ALG14: variants seen among roughly 807,000 people sequenced by gnomAD.
The protein encoded by ALG14 is UDP-N-acetylglucosamine transferase subunit ALG14.
A neutral mutation model predicts 22.8 loss-of-function variants in ALG14; 17 were observed. The observed-to-expected ratio is 0.75, with a 90% CI of 0.51 to 1.12. The LOEUF (loss-of-function observed/expected upper bound fraction) is 1.12. Ranked by LOEUF, ALG14 falls within the 50% of genes most tolerant of loss-of-function variation. The pLI is 0.00. For missense variants in ALG14, 288 were observed against 271.8 expected, an observed-to-expected ratio of 1.06 and a Z score of -0.42; for synonymous variants, 89 against 103.7, an observed-to-expected ratio of 0.86 and a Z score of 0.86.
chr1:94,987,275 C>A (rs1434552732), intron 3 of ALG14, among the ~76,000 whole-genome samples: 2 of 152,088 alleles, frequency 1.3e-5, no homozygotes, highest in Non-Finnish European at 2.9e-5. Context: ...CTGCTTAAAT[C>A]ATTTGAATCA....
intron 3 of ALG14, among the ~76,000 whole-genome samples, chr1:95,012,662 C>CG (rs1673399122): frequency 1.3e-5 from 2 of 152,174 alleles, no homozygotes; most frequent in Admixed American, 1.3e-4. Flanking sequence ...CCATGGTCAA[C>CG]GGGACCTGTT....
chr1:94,995,470 C>G (rs960234900), intron 3 of ALG14, among the ~76,000 whole-genome samples: 1 of 152,106 alleles, frequency 6.6e-6, no homozygotes, highest in Non-Finnish European at 1.5e-5. Flanking sequence ...CCCAGCACTT[C>G]GGGAGGCCGA....
intron 2 of ALG14, among the ~76,000 whole-genome samples, chr1:95,050,572 G>A (rs57040913): frequency 0.046 from 7,048 of 152,206 alleles, 220 homozygotes; most frequent in South Asian, 0.088. Context: ...TCTGAACCAG[G>A]AAGAAGGAAA....
At chr1:95,040,211 G>A (rs1458818295) in intron 2 of ALG14, among the ~76,000 whole-genome samples, 3 of 129,336 alleles carry the variant, frequency 2.3e-5, no homozygotes, top group Non-Finnish European at 5.0e-5. Flanking sequence ...AAATAAATAA[G>A]ATTCCTAATC....
intron 3 of ALG14, among the ~76,000 whole-genome samples, chr1:94,993,313 C>T (rs901014901): frequency 5.5e-5 from 8 of 144,812 alleles, no homozygotes; most frequent in African/African-American, 1.8e-4. Context: ...CTCCTTCTAT[C>T]TTTATATAAA....
In ALG14 at chr1:95,059,384, TGA is replaced by T. The variant is rs1321540372; in HGVS notation, c.288+5480_288+5481del. Among the ~76,000 whole-genome samples the T allele has an allele frequency of 2.5e-4, 31 of 125,108 alleles. 1 individual carries two copies. In the East Asian group the frequency reaches 6.3e-3, roughly 25 times the overall value. 82.1% of individuals were successfully genotyped at this position (125,108 alleles called of 152,430 possible). A position where few individuals can be genotyped will look rare whatever the true frequency, so the allele number is the denominator to read the frequency against. ...TTGCACTCTAGCCTGGGTGACAGGG[TGA>T]GACTCTGTCTCAAAAAAAAAAAAAA... On this transcript the variant is annotated intron_variant, in intron 2 of 3. Coordinates refer to ENST00000370205, the MANE Select transcript of ALG14 (RefSeq NM_144988.4).
At chr1:95,058,285 A>T (rs1261244892) in intron 2 of ALG14, among the ~76,000 whole-genome samples, 1 of 81,442 alleles carries the variant, frequency 1.2e-5, no homozygotes, top group Non-Finnish European at 2.4e-5. Flanking sequence ...ACTCCATCTG[A>T]AAAAAAAAAA....
At chr1:95,066,486 G>T (rs1402087657) in intron 1 of ALG14, among the ~76,000 whole-genome samples, 1 of 152,054 alleles carries the variant, frequency 6.6e-6, no homozygotes, top group African/African-American at 2.4e-5. Flanking sequence ...GCCTCCCAAA[G>T]TACTGGGATT....
In ALG14 at chr1:95,004,230, T is replaced by C. The variant is rs554842498; in HGVS notation, c.421-20924A>G. ...GGGTAATTAACTTTTTTTTTTTTTT[T>C]TTTTTTTTTGAGACAGCGTCTCGCT... On this transcript the variant is annotated intron_variant, in intron 3 of 3. Transcript: ENST00000370205. Among the ~76,000 whole-genome samples the C allele has an allele frequency of 6.7e-5, 10 of 148,894 alleles. No homozygotes were observed. The East Asian group carries it at 1.7e-3, about 26-fold the overall frequency.
At chr1:95,021,477 C>T (rs1191867545) in intron 3 of ALG14, among the ~76,000 whole-genome samples, 3 of 152,182 alleles carry the variant, frequency 2.0e-5, no homozygotes, top group Admixed American at 6.5e-5. Context: ...ATTACATATT[C>T]AATTATCGGT....
intron 3 of ALG14, among the ~76,000 whole-genome samples, chr1:95,002,003 T>C (rs527473212): frequency 6.6e-6 from 1 of 152,330 alleles, no homozygotes; most frequent in African/African-American, 2.4e-5. Context: ...TTTCTAAACT[T>C]CCACTTTGGT....
At chr1:95,026,466 G>A (rs1673819505) in intron 3 of ALG14, among the ~76,000 whole-genome samples, 1 of 120,228 alleles carries the variant, frequency 8.3e-6, no homozygotes. Flanking sequence ...CAAGGAATGT[G>A]TGTGTGTGTG....
At chr1:95,064,061 T>C (rs1006707393) in intron 2 of ALG14, among the ~76,000 whole-genome samples, 12 of 152,166 alleles carry the variant, frequency 7.9e-5, no homozygotes, top group Non-Finnish European at 1.5e-4. Flanking sequence ...TGGGAGTTCA[T>C]TCATGATTTG....
chr1:95,019,262 T>A (rs12408845), intron 3 of ALG14, among the ~76,000 whole-genome samples: 24,869 of 152,214 alleles, frequency 0.16, 2,589 homozygotes, highest in East Asian at 0.47. Flanking sequence ...AATCTGGTAT[T>A]CACATTTCTT....
intron 2 of ALG14, among the ~76,000 whole-genome samples, chr1:95,044,602 T>C (rs1041522410): frequency 6.6e-6 from 1 of 152,128 alleles, no homozygotes; most frequent in Non-Finnish European, 1.5e-5. Flanking sequence ...TTCAAGGTCC[T>C]AAGAGCAATC....
chr1:95,029,859 A>T (rs1474226615), intron 2 of ALG14, among the ~76,000 whole-genome samples: 1 of 152,190 alleles, frequency 6.6e-6, no homozygotes. Context: ...TGGGCTCAAT[A>T]TGTATCCACT....
At position 95,000,551 on chromosome 1, in the gene ALG14, A is replaced by G. The variant is rs1673035850; in HGVS notation, c.421-17245T>C. ...ACCCTGTCCTAAAAAAAAAAAAAAA[A>G]AAAAAAAAGAAATATATTTCCTGTT... On this transcript the variant is annotated intron_variant, in intron 3 of 3. Transcript: ENST00000370205. Among the ~76,000 whole-genome samples the G allele has an allele frequency of 2.7e-5, 4 of 150,862 alleles. No homozygotes were observed. The South Asian group carries it at 8.4e-4, about 32-fold the overall frequency.
In ALG14 at chr1:95,056,210, G is replaced by A. The variant is rs143683226; in HGVS notation, c.288+8656C>T. ...ACCTATACATACACAAAAACTTCAC[G>A]TATCAGTGGTGGCACTGCAGAAATG... On this transcript the variant is annotated intron_variant, in intron 2 of 3. Transcript: ENST00000370205. Among the ~76,000 whole-genome samples, 16 of 152,216 alleles carry A rather than the reference G, an allele frequency of 1.1e-4. No homozygotes were observed. The East Asian group carries it at 3.1e-3, about 29-fold the overall frequency.
At position 94,975,284 on chromosome 1, in the gene ALG14, T is replaced by TGG. The variant is rs1672372411; in HGVS notation, c.*7791_*7792insCC. 1 of 152,256 alleles carries TGG rather than the reference T, an allele frequency of 6.6e-6. No homozygotes were observed. Among genetic ancestry groups the TGG allele is most frequent in the Non-Finnish European group, 1.5e-5 (1 of 68,058 alleles). 9.4% of individuals were successfully genotyped at this position (152,256 alleles called of 1,614,324 possible). ...TGTGGCTGGCTTCTGTAACTTAGCC[T>TGG]ACTGTTTACAAGGTTCATCCACACT... On this transcript the variant is annotated 3_prime_UTR_variant, in exon 4 of 4. Transcript: ENST00000370205.
Sources: gnomAD v4.1 joint callset for allele counts (sites outside exome capture counted in the v4.1 genomes callset) on GRCh38, gnomAD v4.1.1 for gene constraint, MANE v1.5 for transcripts, NCBI Gene and HGNC (gene_info 2026-07-23, HGNC 2026-07-21) for gene names.